BOD1L1: variants seen among roughly 807,000 people sequenced by gnomAD.
The protein encoded by BOD1L1 is biorientation of chromosomes in cell division 1 like 1.
BOD1L1 carries 86 observed loss-of-function variants against 240.7 expected under a neutral mutation model. The observed-to-expected ratio is 0.36, with a 90% CI of 0.30 to 0.43. BOD1L1 has a LOEUF of 0.43. Among genes scored for constraint, BOD1L1 ranks in the 20% least tolerant of loss-of-function variants. The probability of loss-of-function intolerance (pLI) is 1.00; values close to 1 mark genes in which losing one functional copy is unlikely to be tolerated. For synonymous variants in BOD1L1, 1,268 were observed against 1,272.3 expected, an observed-to-expected ratio of 1.00 and a Z score of 0.07; for missense variants, 3,554 against 3,643.5, an observed-to-expected ratio of 0.98 and a Z score of 0.63.
At chr4:13,580,022 A>G (rs1713097545) in intron 21 of BOD1L1, 49 bp from the exon 22 acceptor site, 15 of 1,311,816 alleles carry the variant, frequency 1.1e-5, no homozygotes, top group Non-Finnish European at 1.6e-5. Flanking sequence ...AGCAGTTTAT[A>G]ATCATCACAT....
At chr4:13,627,070 G>A (rs1284270069) in intron 1 of BOD1L1, among the ~76,000 whole-genome samples, 1 of 152,160 alleles carries the variant, frequency 6.6e-6, no homozygotes, top group Non-Finnish European at 1.5e-5. Context: ...TACTGTTAGC[G>A]CCACTGTTTC....
Position 13,590,460 on chromosome 4 carries a change from A to G in BOD1L1, c.8149-14T>C, listed in dbSNP as rs1375012015. ...TGAATTTTCAACCTAAATATACAAT[A>G]TAAAAGATATTTATGGATAGTCTCA... On this transcript the variant is annotated splice_polypyrimidine_tract_variant and intron_variant, in intron 13 of 25. Transcript: ENST00000040738. 4.4e-6 allele frequency: 6 copies of G among 1,368,904 alleles called. No homozygotes were observed. Among genetic ancestry groups the G allele is most frequent in the Non-Finnish European group, 6.0e-6 (6 of 995,628 alleles). The allele number at this position is 1,368,904 out of a possible 1,614,324, so 84.8% of individuals were successfully genotyped here.
At chr4:13,608,180 C>T (rs1324403217) in intron 8 of BOD1L1, among the ~76,000 whole-genome samples, 2 of 152,130 alleles carry the variant, frequency 1.3e-5, no homozygotes, top group African/African-American at 4.8e-5. Flanking sequence ...TAAGTGGTTA[C>T]TGAACACCAA....
At chr4:13,589,688 C>T (rs1454977908) in intron 14 of BOD1L1, among the ~76,000 whole-genome samples, 5 of 152,084 alleles carry the variant, frequency 3.3e-5, no homozygotes, top group African/African-American at 1.2e-4. Context: ...GGGGATTCCA[C>T]CATAACTGTT....
rs555953963 is a variant in BOD1L1, at chr4:13,576,820, C to T, written c.9038+18G>A. 1.9e-6 allele frequency: 3 copies of T among 1,600,354 alleles called. No homozygotes were observed. The African/African-American group carries it at 4.1e-5, about 22-fold the overall frequency. Reference sequence around the variant, plus strand: ...AAGCTGGTGAAGGTCTCTGGCAGCTCTGTGCTGCCCCCATTACCTCTGAGC... The same window carrying T: ...AAGCTGGTGAAGGTCTCTGGCAGCTTTGTGCTGCCCCCATTACCTCTGAGC... On this transcript the variant is annotated intron_variant, in intron 25 of 25. Coordinates refer to ENST00000040738, the MANE Select transcript of BOD1L1 (RefSeq NM_148894.3).
chr4:13,609,014 T>C (rs574735073), intron 7 of BOD1L1, among the ~76,000 whole-genome samples: 27 of 152,336 alleles, frequency 1.8e-4, no homozygotes, highest in Non-Finnish European at 2.9e-4. Context: ...ATAACTCATG[T>C]GTTAACAATC....
rs1714690411 is a variant in BOD1L1, at chr4:13,597,169, C to T, written c.7955-1G>A. 6.3e-7 allele frequency: 1 copy of T among 1,588,644 alleles called. No homozygotes were observed. The highest frequency in any genetic ancestry group is 1.8e-5 in the Admixed American group (1 of 56,536). ...ACATTCAATGGAGACTCTTCATTGC[C>T]TAATAAAATTCAAGCCATTTAGTAC... On this transcript the variant is annotated splice_acceptor_variant, in intron 10 of 25. Coordinates refer to ENST00000040738, the MANE Select transcript of BOD1L1 (RefSeq NM_148894.3). LOFTEE classifies it high-confidence loss of function.
chr4:13,603,363 T>C lies in BOD1L1; in HGVS notation c.3537A>G (p.Pro1179=). The change falls in exon 10 of 26, where the codon CCA becomes CCG. Residue 1179 remains proline, a synonymous_variant. Transcript: ENST00000040738. ...CTGTTCCACGGCCTGGCTTATAAGC[T>C]GGAGCTGTTGCTTTTGAATCTGCTG... The part of the protein sequence containing the change: ...TCTADSKATA[P]AYKPGRGTGV... The C allele has an allele frequency of 3.7e-6, 6 of 1,614,012 alleles. No individual in the cohort carries two copies. Among genetic ancestry groups the C allele is most frequent in the Non-Finnish European group, 5.1e-6 (6 of 1,179,886 alleles).
intron 3 of BOD1L1, 49 bp from the exon 4 acceptor site, chr4:13,614,859 A>C (rs1446211611): frequency 1.3e-6 from 2 of 1,494,580 alleles, no homozygotes; most frequent in South Asian, 1.3e-5. Flanking sequence ...GAAGGAAAAT[A>C]CCTCTGCTAA....
At chr4:13,582,988 C>A (rs1179796700) in intron 17 of BOD1L1, among the ~76,000 whole-genome samples, 1 of 152,144 alleles carries the variant, frequency 6.6e-6, no homozygotes, top group Non-Finnish European at 1.5e-5. Flanking sequence ...TTCTTTCCTG[C>A]AAAATAGAAA....
intron 22 of BOD1L1, among the ~76,000 whole-genome samples, chr4:13,578,922 C>A (rs978205928): frequency 1.3e-5 from 2 of 152,142 alleles, no homozygotes; most frequent in Admixed American, 1.3e-4. Flanking sequence ...ATTCTTTATG[C>A]ATTTGCTTTC....
At chr4:13,582,158 A>T in intron 19 of BOD1L1, 79 bp downstream of exon 19, 1 of 1,220,680 alleles carries the variant, frequency 8.2e-7, no homozygotes. Context: ...GAAAAACTCA[A>T]GATAACAGTA....
At position 13,582,111 on chromosome 4, in the gene BOD1L1, T is replaced by G. The variant is rs1713278916; in HGVS notation, c.8592+126A>C. On this transcript the variant is annotated intron_variant, in intron 19 of 25. Coordinates refer to ENST00000040738, the MANE Select transcript of BOD1L1 (RefSeq NM_148894.3). ...TGCACTGTATGAAATGGTGTTCCAT[T>G]GCACTAAAAAAACCGCAGCTTCTTC... is the stretch of plus-strand genomic sequence containing the variant. The G allele has an allele frequency of 2.4e-5, 16 of 674,326 alleles. No individual in the cohort carries two copies. The South Asian group carries it at 2.9e-4, about 12-fold the overall frequency. The allele number at this position is 674,326 out of a possible 1,614,324, so 41.8% of individuals were successfully genotyped here.
chr4:13,614,626 G>C lies in BOD1L1; in HGVS notation c.744C>G (p.Asp248Glu). 1 of 1,613,770 alleles carries C rather than the reference G, an allele frequency of 6.2e-7. No homozygotes were observed. The highest frequency in any genetic ancestry group is 8.5e-7 in the Non-Finnish European group (1 of 1,179,864). Residue 248 changes from aspartate (D) to glutamate (E), a missense_variant, in exon 4 of 26, where the codon GAC becomes GAG. By Grantham distance (45) the Asp-to-Glu change is conservative. This residue lies in a region of BOD1L1 where 3,393 missense variants were observed against 3,427.1 expected (regional missense o/e 0.99). Transcript: ENST00000040738. ...CCATGTCCTCTGAAGTTCTTTCTTT[G>C]TCAGTACTAGTATCAGTGGTTGGCT... is the stretch of plus-strand genomic sequence containing the variant. ...PSQPTTDTST[D>E]KERTSEDMAD...
intron 6 of BOD1L1, 95 bp from the exon 7 acceptor site, chr4:13,609,501 T>A (rs1715990401): frequency 1.3e-6 from 1 of 754,962 alleles, no homozygotes; most frequent in South Asian, 2.8e-5. Flanking sequence ...ACCCTTCAGA[T>A]GTTCTTACAA....
In BOD1L1 at chr4:13,627,707, C is replaced by T. The variant is rs1362892348; in HGVS notation, c.-120G>A. On this transcript the variant is annotated 5_prime_UTR_variant, in exon 1 of 26. Coordinates refer to ENST00000040738, the MANE Select transcript of BOD1L1 (RefSeq NM_148894.3). The stretch of plus-strand genomic sequence containing the variant: ...GGATGTTGTTACGGAACCAGCGGAT[C>T]CAGAGCAACCCCGGAAGTGAAAGGG... 1.1e-6 allele frequency: 1 copy of T among 880,340 alleles called. No individual in the cohort carries two copies. The highest frequency in any genetic ancestry group is 1.4e-6 in the Non-Finnish European group (1 of 728,922). 54.5% of individuals were successfully genotyped at this position (880,340 alleles called of 1,614,324 possible). A position where few individuals can be genotyped will look rare whatever the true frequency, so the allele number is the denominator to read the frequency against.
intron 11 of BOD1L1, 138 bp from the exon 12 acceptor site, chr4:13,596,082 AAAAT>A (rs1449874942): frequency 4.4e-6 from 3 of 675,372 alleles, no homozygotes; most frequent in Non-Finnish European, 7.5e-6. Flanking sequence ...ACAAAACTTA[AAAAT>A]AAATACATCA....
chr4:13,588,869 G>A, intron 14 of BOD1L1, 77 bp from the exon 15 acceptor site: 1 of 1,053,600 alleles, frequency 9.5e-7, no homozygotes, highest in South Asian at 1.6e-5. Context: ...TATGTGTTAG[G>A]GGGCTGGGAG....
chr4:13,612,786 C>T (rs2108979767), intron 5 of BOD1L1, among the ~76,000 whole-genome samples: 1 of 152,208 alleles, frequency 6.6e-6, no homozygotes, highest in South Asian at 2.1e-4. Context: ...AGTGTTGGGT[C>T]ATGGAGTAAG....
Sources: allele counts gnomAD v4.1 joint callset (sites outside exome capture counted in the v4.1 genomes callset), GRCh38; gene constraint gnomAD v4.1.1; regional missense constraint gnomAD v4.1.1; transcripts MANE v1.5; gene names NCBI Gene and HGNC (gene_info 2026-07-23, HGNC 2026-07-21).